PTPRD: variants seen among roughly 807,000 people sequenced by gnomAD.
PTPRD encodes receptor-type tyrosine-protein phosphatase delta.
A neutral mutation model predicts 214.5 loss-of-function variants in PTPRD; 34 were observed. The ratio of observed to expected loss-of-function variants is 0.16; its 90% CI spans 0.12 to 0.21. PTPRD has a LOEUF of 0.21. Ranked by LOEUF, PTPRD falls within the 10% of genes least tolerant of loss-of-function variation. The probability of loss-of-function intolerance (pLI) is 1.00; values close to 1 mark genes in which losing one functional copy is unlikely to be tolerated. For synonymous variants in PTPRD, 1,128 were observed against 845.7 expected (o/e 1.33, Z -5.79); for missense variants, 2,545 against 2,398.7 (o/e 1.06, Z -1.27).
At chr9:9,740,983 G>A (rs932496928) in intron 6 of PTPRD, among the ~76,000 whole-genome samples, 32 of 152,126 alleles carry the variant, frequency 2.1e-4, no homozygotes, top group Non-Finnish European at 4.4e-5. Flanking sequence ...TTGGAAACTA[G>A]AATTTCAGAC....
intron 3 of PTPRD, among the ~76,000 whole-genome samples, chr9:10,093,379 C>G (rs763953684): frequency 6.6e-6 from 1 of 151,392 alleles, no homozygotes; most frequent in Non-Finnish European, 1.5e-5. Context: ...AAATGCAAAT[C>G]AAACTCACAA....
chr9:10,578,741 TTTTA>T (rs1265364312), intron 2 of PTPRD, among the ~76,000 whole-genome samples: 1 of 152,090 alleles, frequency 6.6e-6, no homozygotes, highest in Non-Finnish European at 1.5e-5. Context: ...TAATTTCAAC[TTTTA>T]TTTTAGATTT....
intron 4 of PTPRD, among the ~76,000 whole-genome samples, chr9:9,986,152 C>T (rs1273066540): frequency 6.6e-6 from 1 of 152,106 alleles, no homozygotes. Context: ...CCTTCTTTTA[C>T]ACTGCTGAGA....
chr9:9,505,037 T>C (rs2096537971), intron 8 of PTPRD, among the ~76,000 whole-genome samples: 1 of 151,612 alleles, frequency 6.6e-6, no homozygotes, highest in South Asian at 2.1e-4. Context: ...TCAAGGACAC[T>C]TCCTCCTAAC....
At chr9:9,143,659 T>C (rs2099863883) in intron 10 of PTPRD, among the ~76,000 whole-genome samples, 1 of 152,204 alleles carries the variant, frequency 6.6e-6, no homozygotes, top group Non-Finnish European at 1.5e-5. Context: ...GTTTAGTACA[T>C]CAGGCATTCA....
At chr9:8,646,242 G>A (rs945483892) in intron 12 of PTPRD, among the ~76,000 whole-genome samples, 2 of 152,060 alleles carry the variant, frequency 1.3e-5, no homozygotes, top group Non-Finnish European at 2.9e-5. Context: ...CTCACTTCAG[G>A]TGCTTCATCT....
chr9:8,431,315 G>A (rs1590223568), intron 35 of PTPRD, among the ~76,000 whole-genome samples: 2 of 152,122 alleles, frequency 1.3e-5, no homozygotes, highest in Admixed American at 1.3e-4. Flanking sequence ...GCTTGTATAA[G>A]GGGAAGAATA....
intron 7 of PTPRD, among the ~76,000 whole-genome samples, chr9:9,620,418 G>A (rs1028200865): frequency 6.6e-6 from 1 of 152,102 alleles, no homozygotes; most frequent in Non-Finnish European, 1.5e-5. Context: ...ATCTTGGGAG[G>A]ATTGTATTCC....
chr9:9,625,971 A>G (rs1256150428), intron 7 of PTPRD, among the ~76,000 whole-genome samples: 1 of 152,214 alleles, frequency 6.6e-6, no homozygotes, highest in Non-Finnish European at 1.5e-5. Flanking sequence ...TTTTGCTGCA[A>G]CTACTGAGTT....
At chr9:8,618,946 A>C in intron 14 of PTPRD, among the ~76,000 whole-genome samples, 2 of 135,182 alleles carry the variant, frequency 1.5e-5, no homozygotes, top group African/African-American at 2.8e-5. Flanking sequence ...TTTTACCGGA[A>C]ACAGGGTTTC....
intron 5 of PTPRD, among the ~76,000 whole-genome samples, chr9:9,778,208 C>A (rs181342580): frequency 6.6e-6 from 1 of 152,298 alleles, no homozygotes; most frequent in East Asian, 1.9e-4. Context: ...GAACCCTGCA[C>A]AGCATAAGGG....
rs186501053 is a variant in PTPRD, at chr9:8,643,003, G to A, written c.65-6159C>T. ...TAGCAGAGGTTCTACATGAACCAGG[G>A]CCTGTGGGGACAGTGAATCTGTCAC... On this transcript the variant is annotated intron_variant, in intron 12 of 45. Transcript: ENST00000381196. Among the ~76,000 whole-genome samples the A allele has an allele frequency of 5.6e-4, 86 of 152,272 alleles. 2 individuals carry two copies. Among genetic ancestry groups the A allele is most frequent in the Admixed American group, 5.1e-3 (78 of 15,292 alleles).
intron 8 of PTPRD, among the ~76,000 whole-genome samples, chr9:9,420,757 C>G (rs536594848): frequency 6.6e-6 from 1 of 151,850 alleles, no homozygotes; most frequent in Non-Finnish European, 1.5e-5. Context: ...ATATTTATGA[C>G]ATGGAAAGAT....
chr9:10,287,801 T>G (rs576767024), intron 3 of PTPRD, among the ~76,000 whole-genome samples: 1 of 152,062 alleles, frequency 6.6e-6, no homozygotes, highest in Non-Finnish European at 1.5e-5. Context: ...TTAGAAGCAT[T>G]CCTTAGGCAG....
At chr9:9,653,627 G>A (rs1325503992) in intron 7 of PTPRD, among the ~76,000 whole-genome samples, 5 of 152,042 alleles carry the variant, frequency 3.3e-5, no homozygotes, top group African/African-American at 4.8e-5. Flanking sequence ...ACAGCATGAG[G>A]TCCTGTATTA....
intron 2 of PTPRD, among the ~76,000 whole-genome samples, chr9:10,516,169 T>C (rs1288091381): frequency 6.6e-6 from 1 of 151,958 alleles, no homozygotes; most frequent in African/African-American, 2.4e-5. Flanking sequence ...TCCACAGTTG[T>C]TTCACATTTT....
At chr9:9,282,925 G>A (rs1037619699) in intron 9 of PTPRD, among the ~76,000 whole-genome samples, 19 of 151,404 alleles carry the variant, frequency 1.3e-4, no homozygotes, top group African/African-American at 4.1e-4. Flanking sequence ...CTTTCAATAT[G>A]TTAGATTACA....
rs532621128 is a variant in PTPRD at position 8,510,414 on chromosome 9, G to C, written c.1544-2980C>G. Among the ~76,000 whole-genome samples, 30 of 152,334 alleles carry C rather than the reference G, an allele frequency of 2.0e-4. No individual in the cohort carries two copies. The South Asian group carries it at 6.0e-3, about 31-fold the overall frequency. The stretch of plus-strand genomic sequence containing the variant: ...TATGGGGCCTGGGGCCCGGTGGAGA[G>C]TGCCCACCACCTGAAGAGGGACCGC... On this transcript the variant is annotated intron_variant, in intron 21 of 45. Transcript: ENST00000381196.
chr9:10,273,473 G>T (rs1347786041), intron 3 of PTPRD, among the ~76,000 whole-genome samples: 1 of 151,960 alleles, frequency 6.6e-6, no homozygotes, highest in Non-Finnish European at 1.5e-5. Flanking sequence ...TTTAAAGAAA[G>T]AAAAAAGTAG....
Sources: gnomAD v4.1 joint callset for allele counts (sites outside exome capture counted in the v4.1 genomes callset) on GRCh38, gnomAD v4.1.1 for gene constraint, MANE v1.5 for transcripts, NCBI Gene and HGNC (gene_info 2026-07-23, HGNC 2026-07-21) for gene names.